Variants in SLC27A6 observed in about 807,000 individuals in gnomAD.
SLC27A6 encodes the protein long-chain fatty acid transport protein 6.
Under a neutral mutation model 63.9 loss-of-function variants are expected in SLC27A6, and 74 were observed. The observed-to-expected ratio is 1.16, with a 90% CI of 0.96 to 1.40. The LOEUF is 1.40. Among genes scored for constraint, SLC27A6 ranks in the 40% most tolerant of loss-of-function variants. The pLI, the probability that SLC27A6 is intolerant of heterozygous loss-of-function variation, is 0.00. For missense variants in SLC27A6, 794 were observed against 732.9 expected (o/e 1.08, Z -0.96); for synonymous variants, 287 against 260.8 (o/e 1.10, Z -0.97).
chr5:129,023,528 T>G (rs1752139552), intron 5 of SLC27A6, 92 bp from the exon 6 acceptor site: 2 of 765,908 alleles, frequency 2.6e-6, no homozygotes, highest in East Asian at 5.1e-5. Flanking sequence ...ATTAGCATAG[T>G]CTACTACAGT....
intron 1 of SLC27A6, among the ~76,000 whole-genome samples, chr5:128,981,461 A>G (rs1044339880): frequency 7.9e-5 from 12 of 151,140 alleles, no homozygotes; most frequent in African/African-American, 2.9e-4. Flanking sequence ...AGCTTGGAGG[A>G]CAGAGTGAGA....
Position 128,985,183 on chromosome 5 carries a change from A to G in SLC27A6, c.532A>G (p.Ser178Gly), listed in dbSNP as rs1351541117. The change falls in exon 2 of 10, where the codon AGT becomes GGT. Residue 178 changes from serine (S) to glycine (G), a missense_variant. By Grantham distance (56) the Ser-to-Gly change is moderately conservative. Coordinates refer to ENST00000262462, the MANE Select transcript of SLC27A6 (RefSeq NM_001017372.3). ...EILPSLSENISVWGMKDSVPQ... is the reference protein window; with the variant it reads ...EILPSLSENIGVWGMKDSVPQ... ...CCTTCCAAGCCTCTCAGAAAATATC[A>G]GTGTTTGGGGGATGAAAGATTCTGT... The G allele has an allele frequency of 1.9e-6, 3 of 1,613,970 alleles. No individual in the cohort carries two copies. Among genetic ancestry groups the G allele is most frequent in the Non-Finnish European group, 2.5e-6 (3 of 1,179,934 alleles).
intron 1 of SLC27A6, 141 bp downstream of exon 1, chr5:128,966,759 A>G (rs1038687950): frequency 4.5e-6 from 4 of 891,026 alleles, no homozygotes; most frequent in Non-Finnish European, 6.1e-6. Context: ...TAGTTTTATG[A>G]TTCTATGCTG....
chr5:129,032,479 T>C (rs1462279594), intron 9 of SLC27A6, among the ~76,000 whole-genome samples: 3 of 152,024 alleles, frequency 2.0e-5, no homozygotes, highest in African/African-American at 4.8e-5. Flanking sequence ...AATGACATCA[T>C]TGAATGTATT....
Position 128,990,290 on chromosome 5 carries a change from T to C in SLC27A6, c.845-50T>C, listed in dbSNP as rs112293086. The C allele has an allele frequency of 1.1e-5, 18 of 1,583,922 alleles. No individual in the cohort carries two copies. The African/African-American group carries it at 1.4e-4, about 12-fold the overall frequency. On this transcript the variant is annotated intron_variant, in intron 3 of 9. Transcript: ENST00000262462. ...AACATCATTCATGTTTTATGTTCAT[T>C]CTGCCTTTGAATTTTTTTCCCTAGT...
Position 129,027,409 on chromosome 5 carries a change from T to A in SLC27A6, c.1454+78T>A, listed in dbSNP as rs185013594. 440 of 1,088,932 alleles carry A rather than the reference T, an allele frequency of 4.0e-4. 4 individuals are homozygous for A. The highest frequency in any genetic ancestry group is 3.1e-4 in the Middle Eastern group (1 of 3,242). The allele number at this position is 1,088,932 out of a possible 1,614,324, so 67.5% of individuals were successfully genotyped here. ...CTATAGAAACATCAGAGACCACATA[T>A]GCTTTAGCTTTCAGGGCAGACAGAG... is the stretch of plus-strand genomic sequence containing the variant. On this transcript the variant is annotated intron_variant, in intron 7 of 9. Coordinates refer to ENST00000262462, the MANE Select transcript of SLC27A6 (RefSeq NM_001017372.3).
At chr5:129,014,183 C>T (rs996114931) in intron 4 of SLC27A6, among the ~76,000 whole-genome samples, 1 of 152,088 alleles carries the variant, frequency 6.6e-6, no homozygotes, top group Non-Finnish European at 1.5e-5. Context: ...GTAGTGTTAA[C>T]TTGAAATAAA....
intron 3 of SLC27A6, among the ~76,000 whole-genome samples, chr5:128,989,260 C>T (rs1750893414): frequency 6.6e-6 from 1 of 152,184 alleles, no homozygotes; most frequent in Non-Finnish European, 1.5e-5. Context: ...AAAGTAAGAG[C>T]CCTGAAGAAA....
chr5:129,002,336 C>T (rs1338865732), intron 4 of SLC27A6, among the ~76,000 whole-genome samples: 1 of 152,162 alleles, frequency 6.6e-6, no homozygotes, highest in African/African-American at 2.4e-5. Flanking sequence ...GAATTAGAAA[C>T]TCATGTTTTG....
intron 1 of SLC27A6, among the ~76,000 whole-genome samples, chr5:128,971,013 T>G (rs370845812): frequency 3.9e-5 from 6 of 152,202 alleles, no homozygotes; most frequent in African/African-American, 1.2e-4. Flanking sequence ...ATTTCGTTAT[T>G]TACCCAGTAG....
chr5:128,986,284 C>G (rs1750783160), intron 2 of SLC27A6, among the ~76,000 whole-genome samples: 1 of 152,106 alleles, frequency 6.6e-6, no homozygotes, highest in African/African-American at 2.4e-5. Context: ...TGCACTCCAG[C>G]CTGGGCAACA....
At chr5:128,968,382 T>C (rs76075213) in intron 1 of SLC27A6, among the ~76,000 whole-genome samples, 36,539 of 151,970 alleles carry the variant, frequency 0.24, 4,954 homozygotes, top group Middle Eastern at 0.33. Context: ...CCACCAACAG[T>C]GTCAAAGTGT....
chr5:129,010,763 C>T (rs886340326), intron 4 of SLC27A6, among the ~76,000 whole-genome samples: 6 of 152,008 alleles, frequency 3.9e-5, no homozygotes, highest in Admixed American at 2.6e-4. Flanking sequence ...CTACACCCTC[C>T]AGAAACTTGA....
chr5:128,980,675 T>A (rs541648563), intron 1 of SLC27A6, among the ~76,000 whole-genome samples: 5 of 152,200 alleles, frequency 3.3e-5, no homozygotes, highest in Non-Finnish European at 7.3e-5. Context: ...GATCTCTAAT[T>A]TCACTTTGAA....
At chr5:129,006,560 TAATA>T (rs1178720402) in intron 4 of SLC27A6, among the ~76,000 whole-genome samples, 1 of 151,972 alleles carries the variant, frequency 6.6e-6, no homozygotes, top group Non-Finnish European at 1.5e-5. Flanking sequence ...GTCATTATTA[TAATA>T]AATAAAGGAA....
intron 1 of SLC27A6, among the ~76,000 whole-genome samples, chr5:128,978,319 G>A (rs1237316391): frequency 6.6e-6 from 1 of 152,074 alleles, no homozygotes; most frequent in African/African-American, 2.4e-5. Context: ...ACCATGTTTT[G>A]AGTCTGCTCT....
chr5:128,966,278 T>G lies in SLC27A6; in HGVS notation c.141T>G (p.Tyr47Ter). ...VVLIIIRLKK[Y>*]EKRGELVTVL... ...TCATTATAATTCGGCTGAAGAAGTA[T>G]GAAAAGAGAGGGGAGCTGGTGACTG... The change falls in exon 1 of 10, where the codon TAT (tyrosine) becomes TAG (stop). Residue 47 changes from tyrosine (Y) to a stop codon, truncating the protein, a stop_gained. Coordinates refer to ENST00000262462, the MANE Select transcript of SLC27A6 (RefSeq NM_001017372.3). LOFTEE classifies it high-confidence loss of function. 6.2e-7 allele frequency: 1 copy of G among 1,613,686 alleles called. No homozygotes were observed. The highest frequency in any genetic ancestry group is 8.5e-7 in the Non-Finnish European group (1 of 1,179,834).
intron 6 of SLC27A6, among the ~76,000 whole-genome samples, chr5:129,023,957 G>A (rs1752158549): frequency 6.6e-6 from 1 of 151,774 alleles, no homozygotes; most frequent in Non-Finnish European, 1.5e-5. Context: ...GGGTCGTATG[G>A]TATTTTTTAT....
chr5:128,997,869 T>C (rs958209195), intron 4 of SLC27A6, among the ~76,000 whole-genome samples: 12 of 152,194 alleles, frequency 7.9e-5, no homozygotes, highest in African/African-American at 2.9e-4. Flanking sequence ...CTTCTCTTTA[T>C]ATAAAATAAG....
Sources: allele counts gnomAD v4.1 joint callset (sites outside exome capture counted in the v4.1 genomes callset), GRCh38; gene constraint gnomAD v4.1.1; transcripts MANE v1.5; gene names NCBI Gene and HGNC (gene_info 2026-07-23, HGNC 2026-07-21).